The following NBEAL1 variants were observed in gnomAD, a reference collection of about 807,000 sequenced individuals.
NBEAL1 encodes neurobeachin-like protein 1.
A neutral mutation model predicts 351.3 loss-of-function variants in NBEAL1; 273 were observed. The observed-to-expected ratio is 0.78, with a 90% CI of 0.70 to 0.86. The LOEUF is 0.86. Ranked by LOEUF, NBEAL1 falls within the 40% of genes least tolerant of loss-of-function variation. The pLI, the probability that NBEAL1 is intolerant of heterozygous loss-of-function variation, is 0.00. For missense variants in NBEAL1, 2,961 were observed against 3,201.3 expected (o/e 0.92, Z 1.81); for synonymous variants, 1,050 against 1,086.4 (o/e 0.97, Z 0.66).
At chr2:203,046,372 C>T (rs988782460) in intron 3 of NBEAL1, among the ~76,000 whole-genome samples, 13 of 152,122 alleles carry the variant, frequency 8.5e-5, no homozygotes, top group East Asian at 7.7e-4. Context: ...CCCGCCACCA[C>T]GCTCGGCTAA....
Position 203,222,199 on chromosome 2 carries a change from T to C in NBEAL1, c.*4845T>C, listed in dbSNP as rs750511116. 6.6e-6 allele frequency among the ~76,000 whole-genome samples: 1 copy of C among 152,186 alleles called. No homozygotes were observed. Among genetic ancestry groups the C allele is most frequent in the Non-Finnish European group, 1.5e-5 (1 of 68,036 alleles). On this transcript the variant is annotated 3_prime_UTR_variant, in exon 56 of 56. Coordinates refer to ENST00000683969, the MANE Select transcript of NBEAL1 (RefSeq NM_001378026.1). Reference sequence around the variant, plus strand: ...TAGACCCTGTCTCCAAAAATACATTTTTTTAAATTTAAATCTGGCAGTTTC... The same window carrying C: ...TAGACCCTGTCTCCAAAAATACATTCTTTTAAATTTAAATCTGGCAGTTTC...
Position 203,107,663 on chromosome 2 carries a change from C to T in NBEAL1, c.1424C>T (p.Pro475Leu), listed in dbSNP as rs746463904. Residue 475 changes from proline (P) to leucine (L), a missense_variant, in exon 14 of 56, where the codon CCT (proline) becomes CTT (leucine). Coordinates refer to ENST00000683969, the MANE Select transcript of NBEAL1 (RefSeq NM_001378026.1). ...VGILGISNVQ[P>L]LLLLIQWLPE... ...ATTTTGGGCATTAGTAATGTCCAACCTCTCTTGCTTCTTATCCAGTGGCTT... is the reference window on the plus strand; with the variant it reads ...ATTTTGGGCATTAGTAATGTCCAACTTCTCTTGCTTCTTATCCAGTGGCTT... The T allele has an allele frequency of 5.5e-5, 86 of 1,552,826 alleles. No homozygotes were observed. Among genetic ancestry groups the T allele is most frequent in the Non-Finnish European group, 7.3e-5 (84 of 1,147,254 alleles).
chr2:203,097,698 C>A, intron 11 of NBEAL1, 65 bp downstream of exon 11: 1 of 476,514 alleles, frequency 2.1e-6, no homozygotes, highest in Non-Finnish European at 2.7e-6. Context: ...AATAACTATT[C>A]CTGTGCTTTT....
intron 24 of NBEAL1, among the ~76,000 whole-genome samples, chr2:203,129,940 T>C (rs2063035091): frequency 6.6e-6 from 1 of 152,116 alleles, no homozygotes; most frequent in African/African-American, 2.4e-5. Context: ...GCTGGGTGGA[T>C]CGCTTGAGCC....
chr2:203,158,925 T>C (rs970731085), intron 36 of NBEAL1, among the ~76,000 whole-genome samples: 20 of 148,344 alleles, frequency 1.3e-4, no homozygotes, highest in Non-Finnish European at 2.7e-4. Context: ...TCTCAAGTGA[T>C]CCTCCTGCCG....
At chr2:203,111,894 A>G in intron 15 of NBEAL1, 85 bp from the exon 16 acceptor site, 1 of 1,413,194 alleles carries the variant, frequency 7.1e-7, no homozygotes, top group Non-Finnish European at 9.5e-7. Context: ...ATTTGTACAA[A>G]TTATAGAGCA....
At chr2:203,026,351 A>C (rs1336989375) in intron 2 of NBEAL1, among the ~76,000 whole-genome samples, 4 of 152,254 alleles carry the variant, frequency 2.6e-5, no homozygotes, top group South Asian at 2.1e-4. Flanking sequence ...ATATTATACA[A>C]TTACTAAGAA....
intron 2 of NBEAL1, among the ~76,000 whole-genome samples, chr2:203,032,024 A>T (rs527770416): frequency 1.3e-5 from 2 of 152,270 alleles, no homozygotes; most frequent in South Asian, 4.1e-4. Context: ...GTTCTTTATT[A>T]TTTTTTGATT....
At chr2:203,054,358 G>A (rs1418486324) in intron 4 of NBEAL1, among the ~76,000 whole-genome samples, 3 of 151,796 alleles carry the variant, frequency 2.0e-5, no homozygotes, top group African/African-American at 7.3e-5. Context: ...CCCAGGAGGC[G>A]GAGGTTGCAG....
chr2:203,037,928 C>G (rs887331322), intron 2 of NBEAL1, among the ~76,000 whole-genome samples: 2 of 149,146 alleles, frequency 1.3e-5, no homozygotes, highest in African/African-American at 4.9e-5. Context: ...GCACTCCGGC[C>G]TGGGTAACAG....
intron 18 of NBEAL1, among the ~76,000 whole-genome samples, chr2:203,120,498 T>C (rs1245095177): frequency 6.6e-6 from 1 of 152,172 alleles, no homozygotes; most frequent in African/African-American, 2.4e-5. Flanking sequence ...ATTTGTGTTT[T>C]AAAAGACAAG....
chr2:203,214,777 A>G lies in NBEAL1; in HGVS notation c.8070+1124A>G, dbSNP rs961585794. ...GTGACAGAGCAAGACTCTGTACTAC[A>G]GTTTAGAATATGAACTAGATCCATA... On this transcript the variant is annotated intron_variant, in intron 55 of 55. Coordinates refer to ENST00000683969, the MANE Select transcript of NBEAL1 (RefSeq NM_001378026.1). 2.0e-5 allele frequency among the ~76,000 whole-genome samples: 3 copies of G among 152,236 alleles called. No homozygotes were observed. In the East Asian group the frequency reaches 5.8e-4, roughly 29 times the overall value.
At chr2:203,088,454 C>T (rs146531079) in intron 10 of NBEAL1, among the ~76,000 whole-genome samples, 38 of 152,286 alleles carry the variant, frequency 2.5e-4, no homozygotes, top group African/African-American at 8.9e-4. Context: ...GGAGCTCAGT[C>T]TCCTGCAGTT....
rs2065700206 is a variant in NBEAL1, at chr2:203,209,178, A to G, written c.7641A>G (p.Ile2547Met). 1.2e-6 allele frequency: 2 copies of G among 1,613,080 alleles called. No homozygotes were observed. The highest frequency in any genetic ancestry group is 1.7e-6 in the Non-Finnish European group (2 of 1,179,092). The change falls in exon 53 of 56, where the codon ATA becomes ATG. Residue 2547 changes from isoleucine (I) to methionine (M), a missense_variant. By Grantham distance (10) the Ile-to-Met change is conservative (BLOSUM62 1). Transcript: ENST00000683969. ...GTGTGTAGGATGGAACGGTGATTATACATACCATTCAGAAAGGTCAGTACA... is the reference window on the plus strand; with the variant it reads ...GTGTGTAGGATGGAACGGTGATTATGCATACCATTCAGAAAGGTCAGTACA... ...VSGSRDGTVI[I>M]HTIQKGQYMR...
chr2:203,197,443 T>A (rs917757779), intron 48 of NBEAL1, 52 bp downstream of exon 48: 1 of 1,204,548 alleles, frequency 8.3e-7, no homozygotes, highest in Admixed American at 1.9e-5. Flanking sequence ...TCATTACAAC[T>A]TAGAAAAAAA....
At position 203,136,123 on chromosome 2, in the gene NBEAL1, A is replaced by G; in HGVS notation, c.4260A>G (p.Pro1420=). The change falls in exon 28 of 56, where the codon CCA becomes CCG. Residue 1420 remains proline (P), a synonymous_variant. Transcript: ENST00000683969. ...CEMSDSGSQV[P]DSLPSTPSPV... Reference sequence around the variant, plus strand: ...TGAGTGATAGTGGAAGTCAAGTGCCAGACAGTCTGCCTAGCACACCATCCC... The same window carrying G: ...TGAGTGATAGTGGAAGTCAAGTGCCGGACAGTCTGCCTAGCACACCATCCC... 6.2e-7 allele frequency: 1 copy of G among 1,614,204 alleles called. No individual in the cohort carries two copies.
intron 8 of NBEAL1, among the ~76,000 whole-genome samples, chr2:203,081,727 G>T (rs1194547700): frequency 1.3e-5 from 2 of 152,120 alleles, no homozygotes; most frequent in African/African-American, 4.8e-5. Context: ...TAGAGTTCTG[G>T]CCATTATGTT....
At chr2:203,114,567 C>G (rs2062647263) in intron 17 of NBEAL1, among the ~76,000 whole-genome samples, 1 of 152,080 alleles carries the variant, frequency 6.6e-6, no homozygotes, top group Non-Finnish European at 1.5e-5. Context: ...TAACTACTTT[C>G]AAAATTATAT....
intron 2 of NBEAL1, among the ~76,000 whole-genome samples, chr2:203,019,373 T>G (rs1346676519): frequency 6.6e-6 from 1 of 152,216 alleles, no homozygotes; most frequent in Non-Finnish European, 1.5e-5. Context: ...GGCATATATG[T>G]TTGATTCTCT....
Sources: allele counts gnomAD v4.1 joint callset (sites outside exome capture counted in the v4.1 genomes callset), GRCh38; gene constraint gnomAD v4.1.1; transcripts MANE v1.5; gene names NCBI Gene and HGNC (gene_info 2026-07-23, HGNC 2026-07-21).